Variants in DDIAS observed in about 807,000 individuals in gnomAD.
DDIAS encodes the protein DNA damage induced apoptosis suppressor.
Under a neutral mutation model 15.7 loss-of-function variants are expected in DDIAS, and 14 were observed. That is an observed-to-expected ratio of 0.89 (90% CI 0.59 to 1.39). The LOEUF (loss-of-function observed/expected upper bound fraction) is 1.39. Ranked by LOEUF, DDIAS falls within the 40% of genes most tolerant of loss-of-function variation. The probability of loss-of-function intolerance (pLI) is 0.00; values close to 1 mark genes in which losing one functional copy is unlikely to be tolerated. For missense variants in DDIAS, 1,035 were observed against 1,130.9 expected, an observed-to-expected ratio of 0.92 and a Z score of 1.22; for synonymous variants, 355 against 395.9, an observed-to-expected ratio of 0.90 and a Z score of 1.23.
At chr11:82,917,675 C>T (rs959293429) in intron 3 of DDIAS, among the ~76,000 whole-genome samples, 1 of 152,152 alleles carries the variant, frequency 6.6e-6, no homozygotes, top group Non-Finnish European at 1.5e-5. Context: ...AGTGGGATTG[C>T]TGGATCAAAT....
intron 1 of DDIAS, among the ~76,000 whole-genome samples, chr11:82,912,757 G>A (rs568743664): frequency 1.3e-5 from 2 of 152,188 alleles, no homozygotes; most frequent in South Asian, 4.2e-4. Context: ...GTCTGTCTCG[G>A]CTATCAACAT....
In DDIAS at chr11:82,934,453, G is replaced by C; in HGVS notation, c.*118G>C. The C allele has an allele frequency of 1.9e-6, 2 of 1,035,718 alleles. No individual in the cohort carries two copies. The highest frequency in any genetic ancestry group is 2.7e-6 in the Non-Finnish European group (2 of 731,268). 64.2% of individuals were successfully genotyped at this position (1,035,718 alleles called of 1,614,324 possible). A position where few individuals can be genotyped will look rare whatever the true frequency, so the allele number is the denominator to read the frequency against. ...TTGGAGAGAAGCAAATTGAAAACAG[G>C]ACTCTGCTGGGAGCTACTGTGCCTT... On this transcript the variant is annotated 3_prime_UTR_variant, in exon 6 of 6. Transcript: ENST00000533655.
intron 3 of DDIAS, among the ~76,000 whole-genome samples, chr11:82,918,820 T>TTG (rs1406860809): frequency 6.6e-6 from 1 of 151,246 alleles, no homozygotes; most frequent in African/African-American, 2.5e-5. Context: ...TTTGTTTTTT[T>TTG]TGTGTGGTTT....
rs746722028 is a variant in DDIAS, at chr11:82,934,157, A to G, written c.2819A>G (p.Lys940Arg). ...AAGAAAACTCATAAATATAACTGTA[A>G]AAGTTCAGGCTGGATTTCCAAATGT... The part of the protein sequence containing the change: ...TKKKTHKYNC[K>R]SSGWISKCPD... Residue 940 changes from lysine (K) to arginine (R), a missense_variant, in exon 6 of 6, where the codon AAA becomes AGA. By Grantham distance (26) the Lys-to-Arg change is conservative. Coordinates refer to ENST00000533655, the MANE Select transcript of DDIAS (RefSeq NM_145018.4). The G allele has an allele frequency of 1.9e-6, 3 of 1,613,428 alleles. No individual in the cohort carries two copies. The highest frequency in any genetic ancestry group is 1.6e-4 in the Middle Eastern group (1 of 6,062).
intron 4 of DDIAS, among the ~76,000 whole-genome samples, chr11:82,929,397 A>G (rs1429671843): frequency 2.0e-5 from 3 of 152,130 alleles, no homozygotes; most frequent in East Asian, 3.8e-4. Context: ...TGAGAATATA[A>G]GAATAAGCAA....
Position 82,933,546 on chromosome 11 carries a change from G to C in DDIAS, c.2208G>C (p.Leu736Phe). ...DFIQPSQKLS[L>F]QSLSDSRHSR... ...TCCAGCCTTCACAAAAATTATCCTT[G>C]CAAAGCCTATCTGACTCTAGGCATT... Residue 736 changes from leucine to phenylalanine, a missense_variant, in exon 6 of 6, where the codon TTG becomes TTC. Physicochemically the swap from Leu to Phe is conservative, Grantham distance 22 (BLOSUM62 0). Coordinates refer to ENST00000533655, the MANE Select transcript of DDIAS (RefSeq NM_145018.4). 1 of 1,613,964 alleles carries C rather than the reference G, an allele frequency of 6.2e-7. No homozygotes were observed. The highest frequency in any genetic ancestry group is 2.2e-5 in the East Asian group (1 of 44,860).
intron 1 of DDIAS, among the ~76,000 whole-genome samples, chr11:82,903,007 T>C (rs1321402062): frequency 6.6e-6 from 1 of 152,186 alleles, no homozygotes; most frequent in Non-Finnish European, 1.5e-5. Flanking sequence ...GCCTAAAAGA[T>C]GAGCGTGATC....
chr11:82,933,300 G>A lies in DDIAS; in HGVS notation c.1962G>A (p.Trp654Ter). 6.2e-7 allele frequency: 1 copy of A among 1,613,818 alleles called. No homozygotes were observed. The highest frequency in any genetic ancestry group is 8.5e-7 in the Non-Finnish European group (1 of 1,179,926). ...RSTNTLKEMP[W>*]GHINNNVTQS... ...CAAATACATTGAAAGAAATGCCTTG[G>A]GGACATATCAATAACAACGTAACAC... Residue 654 changes from tryptophan (W) to a stop codon, truncating the protein, a stop_gained, in exon 6 of 6, where the codon TGG becomes TGA. Transcript: ENST00000533655. LOFTEE classifies it low-confidence loss of function (END_TRUNC).
Position 82,931,785 on chromosome 11 carries a change from A to G in DDIAS, c.447A>G (p.Gln149=), listed in dbSNP as rs542935945. Residue 149 remains glutamine, a synonymous_variant, in exon 6 of 6, where the codon CAA becomes CAG. Coordinates refer to ENST00000533655, the MANE Select transcript of DDIAS (RefSeq NM_145018.4). The part of the protein sequence containing the change: ...QGSDASNFLQ[Q]CSDHKRKAKA... ...CAGATGCCAGTAACTTCTTACAGCA[A>G]TGCTCTGACCACAAAAGAAAAGCCA... is the stretch of plus-strand genomic sequence containing the variant. 3.7e-6 allele frequency: 6 copies of G among 1,614,092 alleles called. No individual in the cohort carries two copies. The African/African-American group carries it at 8.0e-5, about 22-fold the overall frequency.
Position 82,932,387 on chromosome 11 carries a change from C to A in DDIAS, c.1049C>A (p.Ser350Ter). 1 of 1,613,900 alleles carries A rather than the reference C, an allele frequency of 6.2e-7. No homozygotes were observed. Among genetic ancestry groups the A allele is most frequent in the South Asian group, 1.1e-5 (1 of 91,016 alleles). The change falls in exon 6 of 6, where the codon TCA becomes TAA. Residue 350 changes from serine to a stop codon, truncating the protein, a stop_gained. Transcript: ENST00000533655. LOFTEE classifies it low-confidence loss of function (END_TRUNC). ...TTGGAAATGCGAGAGCCCCTTGAGT[C>A]AAGTAATACAAAATCCTTCCACAGT... ...FSLEMREPLESSNTKSFHSAV... is the reference protein window; with the variant it reads ...FSLEMREPLE
chr11:82,930,437 T>C (rs889596175), intron 5 of DDIAS, among the ~76,000 whole-genome samples, 163 bp downstream of exon 5: 5 of 152,312 alleles, frequency 3.3e-5, no homozygotes, highest in African/African-American at 1.2e-4. Context: ...TAAAACACCA[T>C]GTGTGACAAC....
chr11:82,907,376 G>A (rs1449750198), intron 1 of DDIAS, among the ~76,000 whole-genome samples: 1 of 152,104 alleles, frequency 6.6e-6, no homozygotes, highest in East Asian at 1.9e-4. Flanking sequence ...AGGTACAATA[G>A]TATATGGTGT....
At chr11:82,921,917 C>T (rs1246961694) in intron 3 of DDIAS, among the ~76,000 whole-genome samples, 1 of 152,152 alleles carries the variant, frequency 6.6e-6, no homozygotes, top group East Asian at 1.9e-4. Context: ...GTAGCAGATT[C>T]TCTCAGCATT....
Position 82,919,588 on chromosome 11 carries a change from G to A in DDIAS, c.113+4737G>A, listed in dbSNP as rs138381699. 6.6e-5 allele frequency among the ~76,000 whole-genome samples: 10 copies of A among 152,284 alleles called. No homozygotes were observed. In the East Asian group the frequency reaches 1.9e-3, roughly 29 times the overall value. On this transcript the variant is annotated intron_variant, in intron 3 of 5. Transcript: ENST00000533655. ...TTTGCTTATGTCCTTTCCTGATTTG[G>A]GTATTAGGGTGATGTCGCCTTCATA...
rs563108788 is a variant in DDIAS at position 82,910,773 on chromosome 11, G to A, written c.-116-2514G>A. Among the ~76,000 whole-genome samples the A allele has an allele frequency of 7.2e-5, 11 of 151,772 alleles. No homozygotes were observed. The South Asian group carries it at 1.9e-3, about 26-fold the overall frequency. ...TGGGACCACAAGCTCATACTACCAC[G>A]CCTGACTAATTTTTTTTGTTTTTTG... On this transcript the variant is annotated intron_variant, in intron 1 of 5. Coordinates refer to ENST00000533655, the MANE Select transcript of DDIAS (RefSeq NM_145018.4).
chr11:82,902,737 C>G (rs930719978), intron 1 of DDIAS, among the ~76,000 whole-genome samples: 13 of 152,180 alleles, frequency 8.5e-5, no homozygotes, highest in Non-Finnish European at 1.6e-4. Flanking sequence ...GTTTGCAAAG[C>G]CTTTTAAATC....
At chr11:82,921,666 C>A (rs192843282) in intron 3 of DDIAS, among the ~76,000 whole-genome samples, 3 of 150,718 alleles carry the variant, frequency 2.0e-5, no homozygotes, top group East Asian at 1.9e-4. Flanking sequence ...CACCCTCCGC[C>A]CCCCCAGGTT....
intron 3 of DDIAS, among the ~76,000 whole-genome samples, chr11:82,919,439 G>A (rs1860699346): frequency 6.6e-6 from 1 of 152,160 alleles, no homozygotes; most frequent in African/African-American, 2.4e-5. Flanking sequence ...TACATCCCTG[G>A]TATGAAACCC....
intron 3 of DDIAS, among the ~76,000 whole-genome samples, chr11:82,924,729 C>T (rs532134467): frequency 1.2e-4 from 19 of 152,068 alleles, no homozygotes; most frequent in Admixed American, 3.9e-4. Context: ...GTGGGAGGAT[C>T]GCTTGAGCCT....
Sources: allele counts gnomAD v4.1 joint callset (sites outside exome capture counted in the v4.1 genomes callset), GRCh38; gene constraint gnomAD v4.1.1; transcripts MANE v1.5; gene names NCBI Gene and HGNC (gene_info 2026-07-23, HGNC 2026-07-21).